ANKS1B: variants seen among roughly 807,000 people sequenced by gnomAD.
ANKS1B encodes the protein ankyrin repeat and sterile alpha motif domain containing 1B, also known as ankyrin repeat and sterile alpha motif domain-containing protein 1B.
Under a neutral mutation model 148.3 loss-of-function variants are expected in ANKS1B, and 36 were observed. That is an observed-to-expected ratio of 0.24 (90% CI 0.19 to 0.32). The LOEUF (loss-of-function observed/expected upper bound fraction) is 0.32, where lower values mean the gene tolerates loss of function less well. Ranked by LOEUF, ANKS1B falls within the 10% of genes least tolerant of loss-of-function variation. ANKS1B has a pLI of 1.00. For synonymous variants in ANKS1B, 542 were observed against 560.8 expected (o/e 0.97, Z 0.47); for missense variants, 1,157 against 1,542.6 (o/e 0.75, Z 4.19).
intron 8 of ANKS1B, among the ~76,000 whole-genome samples, chr12:99,710,260 T>C (rs2056444072): frequency 6.6e-6 from 1 of 152,182 alleles, no homozygotes; most frequent in Non-Finnish European, 1.5e-5. Context: ...TCTTTGTCAA[T>C]AATGGGATAT....
At position 98,854,234 on chromosome 12, in the gene ANKS1B, T is replaced by C. The variant is rs1269847957; in HGVS notation, c.2779-22098A>G. ...CCAGGAAAGTGTTTGAACCATTCAG[T>C]GGGTGGTGCGACTCCTAGGGGAAAC... On this transcript the variant is annotated intron_variant, in intron 17 of 26. Coordinates refer to ENST00000683438, the MANE Select transcript of ANKS1B (RefSeq NM_001352186.2). Among the ~76,000 whole-genome samples, 3 of 152,172 alleles carry C rather than the reference T, an allele frequency of 2.0e-5. No homozygotes were observed. In the East Asian group the frequency reaches 5.8e-4, roughly 29 times the overall value.
chr12:99,818,416 C>T (rs1398948674), intron 2 of ANKS1B, among the ~76,000 whole-genome samples: 1 of 151,740 alleles, frequency 6.6e-6, no homozygotes, highest in Non-Finnish European at 1.5e-5. Context: ...AACCAAATAT[C>T]ACCTGGACCA....
At chr12:99,257,188 G>A (rs1466693506) in intron 12 of ANKS1B, among the ~76,000 whole-genome samples, 1 of 151,952 alleles carries the variant, frequency 6.6e-6, no homozygotes, top group Admixed American at 6.5e-5. Flanking sequence ...AGCTTGCAGT[G>A]AGCCGAGATG....
chr12:99,116,758 G>A (rs1254749971), intron 15 of ANKS1B, among the ~76,000 whole-genome samples: 1 of 151,948 alleles, frequency 6.6e-6, no homozygotes, highest in African/African-American at 2.4e-5. Flanking sequence ...TAGCTTAATG[G>A]GGATAGCATT....
At chr12:99,328,598 G>T (rs1336252829) in intron 12 of ANKS1B, among the ~76,000 whole-genome samples, 1 of 151,632 alleles carries the variant, frequency 6.6e-6, no homozygotes, top group Non-Finnish European at 1.5e-5. Flanking sequence ...GACCCCAAAA[G>T]ATCAAAATGT....
At chr12:99,712,118 C>A (rs115142747) in intron 8 of ANKS1B, among the ~76,000 whole-genome samples, 1 of 152,156 alleles carries the variant, frequency 6.6e-6, no homozygotes, top group Non-Finnish European at 1.5e-5. Context: ...ATTGCCTGTT[C>A]GCACTTACAA....
At chr12:98,802,047 T>C (rs772072588) in intron 20 of ANKS1B, among the ~76,000 whole-genome samples, 11 of 152,236 alleles carry the variant, frequency 7.2e-5, no homozygotes, top group Admixed American at 3.3e-4. Flanking sequence ...CTCTTTCTCC[T>C]GGGAAAGATT....
intron 9 of ANKS1B, among the ~76,000 whole-genome samples, chr12:99,573,772 A>G (rs1392011902): frequency 6.6e-6 from 1 of 152,058 alleles, no homozygotes; most frequent in African/African-American, 2.4e-5. Context: ...ATCTACTTGT[A>G]TCAGGATGTA....
intron 8 of ANKS1B, among the ~76,000 whole-genome samples, chr12:99,665,487 T>TC (rs2098501685): frequency 6.6e-6 from 1 of 151,438 alleles, no homozygotes; most frequent in Non-Finnish European, 1.5e-5. Flanking sequence ...TTGTTCGACT[T>TC]CTTTTTTTTT....
At chr12:99,680,609 T>C (rs551314972) in intron 8 of ANKS1B, among the ~76,000 whole-genome samples, 30 of 152,174 alleles carry the variant, frequency 2.0e-4, no homozygotes, top group Non-Finnish European at 3.2e-4. Context: ...TGACCAAGCA[T>C]GAATTTTCCT....
chr12:99,322,478 A>T (rs1447778957), intron 12 of ANKS1B, among the ~76,000 whole-genome samples: 2 of 135,220 alleles, frequency 1.5e-5, no homozygotes, highest in Admixed American at 7.3e-5. Context: ...AACTTAAAGT[A>T]AAAAAAAAAA....
At chr12:99,919,790 A>AAAC (rs1555246053) in intron 1 of ANKS1B, among the ~76,000 whole-genome samples, 1 of 151,890 alleles carries the variant, frequency 6.6e-6, no homozygotes, top group African/African-American at 2.4e-5. Context: ...AAAAAAAAAA[A>AAAC]AAAACCTGGA....
At chr12:99,347,219 T>C (rs1225504876) in intron 12 of ANKS1B, among the ~76,000 whole-genome samples, 1 of 151,980 alleles carries the variant, frequency 6.6e-6, no homozygotes, top group Non-Finnish European at 1.5e-5. Context: ...AACCAGCCAC[T>C]GCTACGCCCA....
At chr12:99,692,325 T>A (rs1240817768) in intron 8 of ANKS1B, among the ~76,000 whole-genome samples, 1 of 152,126 alleles carries the variant, frequency 6.6e-6, no homozygotes, top group Admixed American at 6.6e-5. Context: ...AGCGGTCATA[T>A]TTTTTAAAGT....
chr12:99,036,084 G>A (rs1182942829), intron 17 of ANKS1B, among the ~76,000 whole-genome samples: 1 of 152,108 alleles, frequency 6.6e-6, no homozygotes, highest in Non-Finnish European at 1.5e-5. Context: ...ATTCCCTGGG[G>A]GTGATTTTGA....
At chr12:99,285,591 C>T (rs2079021822) in intron 12 of ANKS1B, among the ~76,000 whole-genome samples, 2 of 152,148 alleles carry the variant, frequency 1.3e-5, no homozygotes, top group African/African-American at 2.4e-5. Context: ...CATAAGAAAA[C>T]ACCTTCATAA....
intron 17 of ANKS1B, among the ~76,000 whole-genome samples, chr12:98,961,542 G>T (rs779770659): frequency 1.3e-5 from 2 of 151,430 alleles, no homozygotes; most frequent in Admixed American, 6.6e-5. Flanking sequence ...GAAAACATCT[G>T]AAGGTGCAAA....
chr12:99,120,393 T>C (rs563952632), intron 15 of ANKS1B, among the ~76,000 whole-genome samples: 10 of 152,342 alleles, frequency 6.6e-5, no homozygotes, highest in African/African-American at 2.4e-4. Context: ...TTTCAGTATG[T>C]TTCTTTTCTT....
intron 8 of ANKS1B, among the ~76,000 whole-genome samples, chr12:99,766,207 C>T (rs1162457741): frequency 6.6e-6 from 1 of 152,148 alleles, no homozygotes; most frequent in Non-Finnish European, 1.5e-5. Flanking sequence ...GAGACCACTA[C>T]ATTCAAGGCA....
Sources: gnomAD v4.1 joint callset for allele counts (sites outside exome capture counted in the v4.1 genomes callset) on GRCh38, gnomAD v4.1.1 for gene constraint, MANE v1.5 for transcripts, NCBI Gene and HGNC (gene_info 2026-07-23, HGNC 2026-07-21) for gene names.